NLGN4X: variants seen among roughly 807,000 people sequenced by gnomAD.
The protein encoded by NLGN4X is neuroligin 4 X-linked, also known as neuroligin-4, X-linked.
A neutral mutation model predicts 40.3 loss-of-function variants in NLGN4X; 3 were observed. The ratio of observed to expected loss-of-function variants is 0.07; its 90% CI spans 0.03 to 0.19. The LOEUF is 0.19. NLGN4X is among the 10% of genes least tolerant of loss of function. The probability of loss-of-function intolerance (pLI) is 1.00; values close to 1 mark genes in which losing one functional copy is unlikely to be tolerated. For synonymous variants in NLGN4X, 270 were observed against 306.8 expected, an observed-to-expected ratio of 0.88 and a Z score of 1.25; for missense variants, 382 against 708.3, an observed-to-expected ratio of 0.54 and a Z score of 5.23.
chrX:5,992,109 T>C (rs2035700463), intron 3 of NLGN4X, among the ~76,000 whole-genome samples: 1 of 111,591 alleles, frequency 9.0e-6, no homozygotes, highest in Non-Finnish European at 1.9e-5. Flanking sequence ...CTTAACTCCA[T>C]TTATACCTAT....
chrX:6,200,176 G>A (rs983184415), intron 1 of NLGN4X, among the ~76,000 whole-genome samples: 6 of 112,262 alleles, frequency 5.3e-5, no homozygotes, highest in African/African-American at 1.9e-4. Context: ...TTTAGAGAAT[G>A]CAGAGAAAAA....
intron 3 of NLGN4X, among the ~76,000 whole-genome samples, chrX:5,997,672 G>A (rs2035869086): frequency 9.5e-6 from 1 of 105,174 alleles, no homozygotes; most frequent in African/African-American, 3.5e-5. Flanking sequence ...CTTTCCATGT[G>A]GCAGGGACTC....
intron 3 of NLGN4X, among the ~76,000 whole-genome samples, chrX:6,026,993 A>T (rs2036713792): frequency 9.0e-6 from 1 of 111,497 alleles, no homozygotes; most frequent in South Asian, 3.7e-4. Flanking sequence ...TTATTTTGAA[A>T]CTCTATCTTA....
intron 3 of NLGN4X, among the ~76,000 whole-genome samples, chrX:6,027,189 T>C (rs2036720835): frequency 8.9e-6 from 1 of 112,118 alleles, no homozygotes; most frequent in African/African-American, 3.2e-5. Context: ...TCACACATAC[T>C]TTCCTCCTTC....
intron 2 of NLGN4X, among the ~76,000 whole-genome samples, chrX:6,054,908 G>A (rs1018969965): frequency 5.4e-5 from 6 of 111,703 alleles, no homozygotes; most frequent in African/African-American, 6.5e-5. Flanking sequence ...CGCCCTCCTC[G>A]GCCTCCCAAA....
At chrX:6,039,658 A>G (rs962442069) in intron 2 of NLGN4X, among the ~76,000 whole-genome samples, 1 of 112,313 alleles carries the variant, frequency 8.9e-6, no homozygotes, top group Non-Finnish European at 1.9e-5. Context: ...TTATCAGACA[A>G]TACATTTGCC....
Position 6,054,899 on chromosome X carries a change from G to A in NLGN4X, c.473-25467C>T, listed in dbSNP as rs192351699. Among the ~76,000 whole-genome samples, 220 of 111,702 alleles carry A rather than the reference G, an allele frequency of 2.0e-3. 1 individual carries two copies. Among genetic ancestry groups the A allele is most frequent in the African/African-American group, 5.6e-3 (173 of 30,779 alleles). On this transcript the variant is annotated intron_variant, in intron 2 of 5. Transcript: ENST00000381095. ...TCTCGAACTCCTGACCTCATGATCCGCCCTCCTCGGCCTCCCAAAGTGCTG... is the reference window on the plus strand; with the variant it reads ...TCTCGAACTCCTGACCTCATGATCCACCCTCCTCGGCCTCCCAAAGTGCTG...
chrX:6,142,428 C>T (rs1356659380), intron 2 of NLGN4X, among the ~76,000 whole-genome samples: 2 of 112,202 alleles, frequency 1.8e-5, no homozygotes, highest in Non-Finnish European at 3.8e-5. Context: ...TCAATTAATC[C>T]GTGTCAGGGA....
chrX:6,069,950 A>T (rs1478998243), intron 2 of NLGN4X, among the ~76,000 whole-genome samples: 1 of 111,947 alleles, frequency 8.9e-6, no homozygotes, highest in East Asian at 2.8e-4. Flanking sequence ...TCACACACAT[A>T]CACCCAAGTC....
chrX:5,937,758 A>G (rs753448477), intron 3 of NLGN4X, among the ~76,000 whole-genome samples: 18 of 111,530 alleles, frequency 1.6e-4, no homozygotes, highest in Non-Finnish European at 3.2e-4. Context: ...GGAAACCCAC[A>G]TTATCTCAAC....
chrX:5,969,598 T>C (rs762399555), intron 3 of NLGN4X, among the ~76,000 whole-genome samples: 1 of 111,423 alleles, frequency 9.0e-6, no homozygotes, highest in Admixed American at 9.5e-5. Flanking sequence ...AGTTCAACCA[T>C]TGTGGAAGTC....
intron 2 of NLGN4X, among the ~76,000 whole-genome samples, chrX:6,060,444 T>C (rs1366928162): frequency 9.0e-6 from 1 of 111,585 alleles, no homozygotes; most frequent in Non-Finnish European, 1.9e-5. Context: ...GCCTCACCTT[T>C]ACTGATCAGC....
At chrX:6,145,120 A>G (rs1357158734) in intron 2 of NLGN4X, among the ~76,000 whole-genome samples, 1 of 111,578 alleles carries the variant, frequency 9.0e-6, no homozygotes, top group Non-Finnish European at 1.9e-5. Flanking sequence ...CCTTATGGTG[A>G]GAACTGTCCT....
At chrX:6,034,986 C>T (rs950193819) in intron 2 of NLGN4X, among the ~76,000 whole-genome samples, 2 of 111,963 alleles carry the variant, frequency 1.8e-5, no homozygotes, top group Non-Finnish European at 3.8e-5. Flanking sequence ...GGATTACAAG[C>T]ATGAGCCACT....
At chrX:5,899,059 G>T (rs1421980402) in intron 5 of NLGN4X, among the ~76,000 whole-genome samples, 2 of 112,252 alleles carry the variant, frequency 1.8e-5, no homozygotes, top group African/African-American at 6.5e-5. Flanking sequence ...CTTTTATGGG[G>T]CTGCCATGGA....
chrX:6,029,214 T>A, intron 3 of NLGN4X, 66 bp downstream of exon 3: 2 of 1,156,376 alleles, frequency 1.7e-6, no homozygotes, highest in Non-Finnish European at 2.4e-6. Context: ...ACGAGCCCCG[T>A]CAAAACGAGA....
chrX:6,086,514 T>C lies in NLGN4X; in HGVS notation c.473-57082A>G, dbSNP rs901032514. ...GAACTTCTGAGATTCCTTGCCTACATCTCAAAATTGGCCTAACGGGTATAA... is the reference window on the plus strand; with the variant it reads ...GAACTTCTGAGATTCCTTGCCTACACCTCAAAATTGGCCTAACGGGTATAA... On this transcript the variant is annotated intron_variant, in intron 2 of 5. Transcript: ENST00000381095. Among the ~76,000 whole-genome samples the C allele has an allele frequency of 2.3e-4, 26 of 112,257 alleles. 1 individual carries two copies. The highest frequency in any genetic ancestry group is 9.5e-5 in the Admixed American group (1 of 10,577).
intron 2 of NLGN4X, among the ~76,000 whole-genome samples, chrX:6,054,045 C>A (rs2037557720): frequency 8.9e-6 from 1 of 112,137 alleles, no homozygotes; most frequent in South Asian, 3.7e-4. Context: ...AGCTTTAATG[C>A]ACTGTTAGCA....
chrX:6,132,622 A>G lies in NLGN4X; in HGVS notation c.472+18373T>C, dbSNP rs752269614. Among the ~76,000 whole-genome samples the G allele has an allele frequency of 3.6e-5, 4 of 111,553 alleles. No homozygotes were observed. The South Asian group carries it at 1.5e-3, about 42-fold the overall frequency. On this transcript the variant is annotated intron_variant, in intron 2 of 5. Transcript: ENST00000381095. ...AAGAATCTCTGCTATGCCTAATAAC[A>G]TTCTTCCACGTCTTCAAAATGCCAT... is the stretch of plus-strand genomic sequence containing the variant.
Sources: gnomAD v4.1 joint callset for allele counts (sites outside exome capture counted in the v4.1 genomes callset) on GRCh38, gnomAD v4.1.1 for gene constraint, MANE v1.5 for transcripts, NCBI Gene and HGNC (gene_info 2026-07-23, HGNC 2026-07-21) for gene names.